The following HTR3B variants were observed in gnomAD, a reference collection of about 807,000 sequenced individuals.
HTR3B encodes the protein 5-hydroxytryptamine receptor 3B.
HTR3B carries 44 observed loss-of-function variants against 42.8 expected under a neutral mutation model. That is an observed-to-expected ratio of 1.03 (90% CI 0.81 to 1.32). The LOEUF (loss-of-function observed/expected upper bound fraction) is 1.32, where lower values mean the gene tolerates loss of function less well. HTR3B is among the 40% of genes most tolerant of loss of function. HTR3B has a pLI of 0.00. For missense variants in HTR3B, 527 were observed against 536.5 expected, an observed-to-expected ratio of 0.98 and a Z score of 0.17; for synonymous variants, 203 against 209.0, an observed-to-expected ratio of 0.97 and a Z score of 0.25.
chr11:113,933,413 G>T (rs1254031165), intron 6 of HTR3B, among the ~76,000 whole-genome samples: 2 of 151,750 alleles, frequency 1.3e-5, no homozygotes, highest in Non-Finnish European at 2.9e-5. Context: ...TTGCTACTCA[G>T]AAAAAACACA....
intron 2 of HTR3B, among the ~76,000 whole-genome samples, chr11:113,929,133 C>G (rs1020903217): frequency 6.6e-6 from 1 of 152,200 alleles, no homozygotes; most frequent in African/African-American, 2.4e-5. Context: ...TTTCCACCAA[C>G]AGTGCACAAG....
At chr11:113,943,571 G>A (rs1420412074) in intron 7 of HTR3B, among the ~76,000 whole-genome samples, 1 of 151,978 alleles carries the variant, frequency 6.6e-6, no homozygotes, top group African/African-American at 2.4e-5. Context: ...CTGACCTCAG[G>A]TGGTCCGCCC....
intron 2 of HTR3B, among the ~76,000 whole-genome samples, chr11:113,910,395 A>G (rs895004946): frequency 6.6e-6 from 1 of 151,680 alleles, no homozygotes; most frequent in Non-Finnish European, 1.5e-5. Flanking sequence ...TTCTAATTAC[A>G]AAGTCTTTGA....
At chr11:113,904,588 T>G, upstream of HTR3B, 1 of 214,720 alleles carries the variant, frequency 4.7e-6, no homozygotes. Context: ...GGAAATCATA[T>G]TAGTGTGGAA....
chr11:113,906,318 T>A (rs1031578546), intron 1 of HTR3B, among the ~76,000 whole-genome samples: 2 of 152,206 alleles, frequency 1.3e-5, no homozygotes, highest in Admixed American at 6.5e-5. Flanking sequence ...GGGGGCAGTG[T>A]GCTGGTATAG....
upstream of HTR3B, among the ~76,000 whole-genome samples, chr11:113,904,091 C>T (rs561650250): frequency 2.0e-5 from 3 of 152,022 alleles, no homozygotes; most frequent in South Asian, 6.2e-4. Context: ...CTTTCTAGAG[C>T]ATCTGGGGGT....
intron 7 of HTR3B, among the ~76,000 whole-genome samples, chr11:113,943,809 A>G (rs1950155405): frequency 6.7e-6 from 1 of 149,560 alleles, no homozygotes; most frequent in African/African-American, 2.5e-5. Context: ...CAAGAACGGA[A>G]GGGAAGGGGA....
chr11:113,915,724 T>C (rs527485288), intron 2 of HTR3B, among the ~76,000 whole-genome samples: 1 of 152,380 alleles, frequency 6.6e-6, no homozygotes, highest in East Asian at 1.9e-4. Flanking sequence ...TGTTTAATTT[T>C]ATAAGAAACT....
intron 4 of HTR3B, 146 bp from the exon 5 acceptor site, chr11:113,932,143 T>C (rs1950041340): frequency 2.9e-6 from 2 of 687,004 alleles, no homozygotes; most frequent in Non-Finnish European, 5.0e-6. Context: ...TTTGCCAGGG[T>C]GAATCATCTC....
chr11:113,912,424 T>C (rs1292829331), intron 2 of HTR3B, among the ~76,000 whole-genome samples: 1 of 152,130 alleles, frequency 6.6e-6, no homozygotes, highest in Non-Finnish European at 1.5e-5. Context: ...TTTGTATTTT[T>C]AGTAGAGACA....
chr11:113,921,478 C>T (rs1949912443), intron 2 of HTR3B, among the ~76,000 whole-genome samples: 1 of 148,132 alleles, frequency 6.8e-6, no homozygotes, highest in South Asian at 2.2e-4. Context: ...AAATTGCTGG[C>T]CGGGCGTGGT....
intron 6 of HTR3B, among the ~76,000 whole-genome samples, chr11:113,938,559 T>G (rs1354856439): frequency 6.6e-6 from 1 of 152,170 alleles, no homozygotes; most frequent in African/African-American, 2.4e-5. Flanking sequence ...TAGTACTAAC[T>G]TCAGTATTTA....
At chr11:113,916,497 G>A (rs192997215) in intron 2 of HTR3B, among the ~76,000 whole-genome samples, 42 of 152,142 alleles carry the variant, frequency 2.8e-4, no homozygotes, top group Admixed American at 1.3e-3. Flanking sequence ...TTCTAATCTC[G>A]TTCTTCTTTT....
intron 2 of HTR3B, among the ~76,000 whole-genome samples, chr11:113,926,818 C>T (rs1045726143): frequency 1.3e-5 from 2 of 152,134 alleles, no homozygotes; most frequent in Admixed American, 6.6e-5. Context: ...CGTGAGCAAC[C>T]GAGCCCAGCC....
intron 8 of HTR3B, 142 bp from the exon 9 acceptor site, chr11:113,945,760 A>G: frequency 1.6e-6 from 1 of 643,252 alleles, no homozygotes; most frequent in Non-Finnish European, 2.8e-6. Context: ...TCGGGTGGGG[A>G]GAGTACCCAA....
rs185964646 is a variant in HTR3B, at chr11:113,935,446, G to A, written c.696+2353G>A. ...GAGCAGAGTAGGGAGAGAATCCTGA[G>A]TAGAGTCACAGATCATATTTGGTGG... On this transcript the variant is annotated intron_variant, in intron 6 of 8. Transcript: ENST00000260191. Among the ~76,000 whole-genome samples the A allele has an allele frequency of 1.4e-4, 18 of 124,670 alleles. 1 individual carries two copies. In the East Asian group the frequency reaches 4.3e-3, roughly 30 times the overall value. The allele number at this position is 124,670 out of a possible 152,430, so 81.8% of individuals were successfully genotyped here.
chr11:113,938,058 G>A (rs904694284), intron 6 of HTR3B, among the ~76,000 whole-genome samples: 5 of 151,972 alleles, frequency 3.3e-5, no homozygotes, highest in African/African-American at 1.2e-4. Flanking sequence ...TCTTCACATG[G>A]CCTTCTCCTT....
intron 6 of HTR3B, among the ~76,000 whole-genome samples, chr11:113,935,025 T>TACACAGGCACACATGTGCACACAC (rs1950077952): frequency 6.6e-6 from 1 of 151,788 alleles, no homozygotes. Flanking sequence ...TGTGCTTGCA[T>TACACAGGCACACATGTGCACACAC]ACACAGGCAC....
At chr11:113,917,620 GT>G (rs1359668425) in intron 2 of HTR3B, among the ~76,000 whole-genome samples, 3 of 150,706 alleles carry the variant, frequency 2.0e-5, no homozygotes, top group Admixed American at 6.6e-5. Flanking sequence ...GTCTTTGGGG[GT>G]TTTTTTTGAG....
Sources: allele counts gnomAD v4.1 joint callset (sites outside exome capture counted in the v4.1 genomes callset), GRCh38; gene constraint gnomAD v4.1.1; transcripts MANE v1.5; gene names NCBI Gene and HGNC (gene_info 2026-07-23, HGNC 2026-07-21).